Variants in PRDM16 observed in about 807,000 individuals in gnomAD.
PRDM16 encodes the protein PR/SET domain 16.
PRDM16 carries 23 observed loss-of-function variants against 110.6 expected under a neutral mutation model. The ratio of observed to expected loss-of-function variants is 0.21; its 90% CI spans 0.15 to 0.29. The LOEUF (loss-of-function observed/expected upper bound fraction) is 0.29. Among genes scored for constraint, PRDM16 ranks in the 10% least tolerant of loss-of-function variants. PRDM16 has a pLI of 1.00. For missense variants in PRDM16, 1,615 were observed against 1,794.3 expected, an observed-to-expected ratio of 0.90 and a Z score of 1.81; for synonymous variants, 799 against 781.8, an observed-to-expected ratio of 1.02 and a Z score of -0.37.
At chr1:3,342,386 G>A (rs572458595) in intron 3 of PRDM16, among the ~76,000 whole-genome samples, 1 of 152,344 alleles carries the variant, frequency 6.6e-6, no homozygotes, top group East Asian at 1.9e-4. Context: ...GGCCCCTTCT[G>A]CCACGTCACC....
At chr1:3,184,927 G>C (rs192619134) in intron 1 of PRDM16, among the ~76,000 whole-genome samples, 1 of 151,970 alleles carries the variant, frequency 6.6e-6, no homozygotes, top group South Asian at 2.1e-4. Flanking sequence ...CCTCTGCATC[G>C]GCTTCCTACG....
chr1:3,235,748 G>A (rs1639525578), intron 2 of PRDM16, among the ~76,000 whole-genome samples: 1 of 152,164 alleles, frequency 6.6e-6, no homozygotes, highest in Non-Finnish European at 1.5e-5. Context: ...GCGGGGTGTG[G>A]GGGGTCCCTG....
intron 2 of PRDM16, among the ~76,000 whole-genome samples, chr1:3,215,269 C>G (rs1638991914): frequency 6.9e-6 from 1 of 145,948 alleles, no homozygotes; most frequent in African/African-American, 2.7e-5. Flanking sequence ...AACCCGACCT[C>G]TGTGTGGATG....
chr1:3,282,899 A>G (rs1365693168), intron 3 of PRDM16, among the ~76,000 whole-genome samples: 1 of 152,210 alleles, frequency 6.6e-6, no homozygotes, highest in Non-Finnish European at 1.5e-5. Flanking sequence ...GCTCCCCTGC[A>G]GGTGCAGTGA....
chr1:3,405,666 C>A lies in PRDM16; in HGVS notation c.1186+18C>A. On this transcript the variant is annotated intron_variant, in intron 8 of 16. Coordinates refer to ENST00000270722, the MANE Select transcript of PRDM16 (RefSeq NM_022114.4). Reference sequence around the variant, plus strand: ...TTTCATATGTGAGTGGTCGCCCAGCCTGGCCGCCTGCCCTCCGGGTGCGCG... The same window carrying A: ...TTTCATATGTGAGTGGTCGCCCAGCATGGCCGCCTGCCCTCCGGGTGCGCG... The A allele has an allele frequency of 6.4e-7, 1 of 1,552,394 alleles. No individual in the cohort carries two copies. Among genetic ancestry groups the A allele is most frequent in the Admixed American group, 1.9e-5 (1 of 53,004 alleles).
At chr1:3,431,421 G>A (rs942141169) in intron 15 of PRDM16, among the ~76,000 whole-genome samples, 1 of 152,124 alleles carries the variant, frequency 6.6e-6, no homozygotes, top group Non-Finnish European at 1.5e-5. Flanking sequence ...CTGTCAGCCT[G>A]GGACAGCGCG....
chr1:3,192,239 C>T (rs939520997), intron 2 of PRDM16, among the ~76,000 whole-genome samples: 14 of 152,174 alleles, frequency 9.2e-5, no homozygotes, highest in Non-Finnish European at 2.9e-5. Flanking sequence ...TCATCCGTGT[C>T]GCCAGCTCAT....
intron 1 of PRDM16, among the ~76,000 whole-genome samples, chr1:3,130,775 G>A (rs748810449): frequency 1.4e-4 from 21 of 147,112 alleles, no homozygotes; most frequent in Non-Finnish European, 2.7e-4. Flanking sequence ...CTTTTCCTTG[G>A]TGCGGGGGCG....
intron 4 of PRDM16, among the ~76,000 whole-genome samples, chr1:3,393,353 G>A (rs1052246370): frequency 6.6e-6 from 1 of 152,250 alleles, no homozygotes; most frequent in Non-Finnish European, 1.5e-5. Context: ...GGCTATCAGA[G>A]ACTCCAGACT....
At chr1:3,405,450 C>T (rs1643545933) in intron 7 of PRDM16, 45 bp from the exon 8 acceptor site, 5 of 1,510,006 alleles carry the variant, frequency 3.3e-6, no homozygotes, top group South Asian at 1.3e-5. Context: ...CAGGCCAAGG[C>T]GGGTGTCCAG....
At chr1:3,289,451 C>T (rs912183588) in intron 3 of PRDM16, among the ~76,000 whole-genome samples, 7 of 152,240 alleles carry the variant, frequency 4.6e-5, no homozygotes, top group African/African-American at 1.7e-4. Context: ...CTGCAGCTTC[C>T]CCACGCTGTT....
At chr1:3,093,289 C>T (rs998044882) in intron 1 of PRDM16, among the ~76,000 whole-genome samples, 2 of 152,234 alleles carry the variant, frequency 1.3e-5, no homozygotes, top group Non-Finnish European at 1.5e-5. Flanking sequence ...CATGCTGGGG[C>T]CTGAGCCTGG....
Position 3,369,476 on chromosome 1 carries a change from C to T in PRDM16, c.439-15676C>T, listed in dbSNP as rs570403838. On this transcript the variant is annotated intron_variant, in intron 3 of 16. Coordinates refer to ENST00000270722, the MANE Select transcript of PRDM16 (RefSeq NM_022114.4). ...AAGGAGCCTGTGTCATCCAGATATC[C>T]GGCATTGCAGTTTCCAGCATCTCCG... is the stretch of plus-strand genomic sequence containing the variant. Among the ~76,000 whole-genome samples, 7 of 152,340 alleles carry T rather than the reference C, an allele frequency of 4.6e-5. No homozygotes were observed. The East Asian group carries it at 7.7e-4, about 17-fold the overall frequency.
Position 3,244,176 on chromosome 1 carries a change from G to A in PRDM16, c.438+39G>A, listed in dbSNP as rs377213212. On this transcript the variant is annotated intron_variant, in intron 3 of 16. Transcript: ENST00000270722. The surrounding 1 kb of genome is among the most constrained non-coding windows in gnomAD (Gnocchi z 4.1). ...CCCTGCGCCGTCTCAGCTCCCCAGCGTCCTCGGAGCTCCTGGCGGGGCGAC... is the reference window on the plus strand; with the variant it reads ...CCCTGCGCCGTCTCAGCTCCCCAGCATCCTCGGAGCTCCTGGCGGGGCGAC... The A allele has an allele frequency of 5.8e-4, 926 of 1,602,238 alleles. 4 individuals carry two copies. The African/African-American group carries it at 9.8e-3, about 17-fold the overall frequency.
intron 1 of PRDM16, among the ~76,000 whole-genome samples, chr1:3,114,155 ACACACACACG>A (rs776244700): frequency 0.063 from 8,735 of 139,366 alleles, 313 homozygotes; most frequent in Non-Finnish European, 0.085. Flanking sequence ...GCACACACGC[ACACACACACG>A]CACACACACG....
At chr1:3,282,259 G>A (rs1391176080) in intron 3 of PRDM16, among the ~76,000 whole-genome samples, 1 of 152,200 alleles carries the variant, frequency 6.6e-6, no homozygotes, top group African/African-American at 2.4e-5. Flanking sequence ...GTCAGCAGGT[G>A]CCGGGCACCA....
intron 3 of PRDM16, among the ~76,000 whole-genome samples, chr1:3,333,044 A>G (rs1183329738): frequency 1.3e-5 from 2 of 152,188 alleles, no homozygotes; most frequent in African/African-American, 4.8e-5. Context: ...TGCTATGAAC[A>G]TGAGTGTGCC....
At position 3,308,923 on chromosome 1, in the gene PRDM16, C is replaced by T. The variant is rs80115735; in HGVS notation, c.438+64786C>T. ...GTGCCCGGCTATCGGGGCCCTGGTG[C>T]GTGCCGGTGAGAGATGTGTGGGTGC... On this transcript the variant is annotated intron_variant, in intron 3 of 16. Coordinates refer to ENST00000270722, the MANE Select transcript of PRDM16 (RefSeq NM_022114.4). 5.8e-3 allele frequency: 887 copies of T among 152,344 alleles called. 11 individuals are homozygous for T. The highest frequency in any genetic ancestry group is 0.02 in the African/African-American group (824 of 41,564). 9.4% of individuals were successfully genotyped at this position (152,344 alleles called of 1,614,324 possible). A position where few individuals can be genotyped will look rare whatever the true frequency, so the allele number is the denominator to read the frequency against.
At chr1:3,125,434 G>A (rs543213875) in intron 1 of PRDM16, among the ~76,000 whole-genome samples, 1 of 152,356 alleles carries the variant, frequency 6.6e-6, no homozygotes. Flanking sequence ...CACTGTCATC[G>A]CCAGGGCACA....
Sources: allele counts gnomAD v4.1 joint callset (sites outside exome capture counted in the v4.1 genomes callset), GRCh38; gene constraint gnomAD v4.1.1; non-coding constraint Gnocchi (gnomAD v3.1); transcripts MANE v1.5; gene names NCBI Gene and HGNC (gene_info 2026-07-23, HGNC 2026-07-21).